The following TPRG1 variants were observed in gnomAD, a reference collection of about 807,000 sequenced individuals.
TPRG1 encodes tumor protein p63 regulated 1, also known as tumor protein p63-regulated gene 1 protein.
TPRG1 carries 29 observed loss-of-function variants against 29.3 expected under a neutral mutation model. The ratio of observed to expected loss-of-function variants is 0.99; its 90% confidence interval spans 0.74 to 1.35. The LOEUF is 1.35. Ranked by LOEUF, TPRG1 falls within the 40% of genes most tolerant of loss-of-function variation. The pLI is 0.00. For synonymous variants in TPRG1, 130 were observed against 116.8 expected (o/e 1.11, Z -0.73); for missense variants, 327 against 335.0 (o/e 0.98, Z 0.19).
chr3:189,309,369 C>T (rs1416480219), intron 4 of TPRG1, among the ~76,000 whole-genome samples: 3 of 152,094 alleles, frequency 2.0e-5, no homozygotes, highest in Non-Finnish European at 2.9e-5. Context: ...TTTGTGAAGG[C>T]ACCACAATTA....
At chr3:189,299,635 T>G (rs537074450) in intron 4 of TPRG1, among the ~76,000 whole-genome samples, 1 of 151,734 alleles carries the variant, frequency 6.6e-6, no homozygotes, top group Admixed American at 6.6e-5. Context: ...TATTTTTTTT[T>G]TTTTTTTTAC....
Position 189,215,326 on chromosome 3 carries a change from A to G in TPRG1, c.245A>G (p.Lys82Arg). The change falls in exon 3 of 6, where the codon AAA (lysine) becomes AGA (arginine). Residue 82 changes from lysine (K) to arginine (R), a missense_variant. Physicochemically the swap from Lys to Arg is conservative, Grantham distance 26. Coordinates refer to ENST00000345063, the MANE Select transcript of TPRG1 (RefSeq NM_198485.4). ...GAIETAMEDLKGHVAETSGET... is the reference protein window; with the variant it reads ...GAIETAMEDLRGHVAETSGET... ...ATTGAGACTGCCATGGAAGACTTGA[A>G]AGGTCACGTAGCTGAGACTTCTGGA... 1 of 1,612,194 alleles carries G rather than the reference A, an allele frequency of 6.2e-7. No homozygotes were observed. The highest frequency in any genetic ancestry group is 8.5e-7 in the Non-Finnish European group (1 of 1,179,256).
intron 4 of TPRG1, among the ~76,000 whole-genome samples, chr3:189,045,100 G>T (rs1417972802): frequency 6.6e-6 from 1 of 152,134 alleles, no homozygotes; most frequent in Non-Finnish European, 1.5e-5. Flanking sequence ...TTATTTAACT[G>T]TGCCCTTCAT....
At chr3:189,238,930 T>G in intron 4 of TPRG1, 21 bp downstream of exon 4, 4 of 1,570,174 alleles carry the variant, frequency 2.5e-6, no homozygotes, top group Non-Finnish European at 3.5e-6. Flanking sequence ...ATCTTATACT[T>G]GAAGAAGTGG....
chr3:189,170,234 G>A (rs1728655026), upstream of TPRG1, among the ~76,000 whole-genome samples: 1 of 152,116 alleles, frequency 6.6e-6, no homozygotes, highest in Admixed American at 6.5e-5. Context: ...ATTTCTAATT[G>A]CCCTGTAGTT....
intron 4 of TPRG1, among the ~76,000 whole-genome samples, chr3:189,246,228 G>A (rs1047650065): frequency 5.3e-5 from 8 of 152,176 alleles, no homozygotes; most frequent in East Asian, 1.9e-4. Flanking sequence ...CATGTAAGAC[G>A]TCCCTTTGCT....
At chr3:189,240,599 T>C (rs541376704) in intron 4 of TPRG1, 1 of 152,260 alleles carries the variant, frequency 6.6e-6, no homozygotes, top group East Asian at 1.9e-4. Flanking sequence ...AACTCCTGTT[T>C]TTAAAACCAT....
chr3:189,182,989 A>G (rs1730432506), intron 1 of TPRG1, among the ~76,000 whole-genome samples: 1 of 152,246 alleles, frequency 6.6e-6, no homozygotes, highest in Non-Finnish European at 1.5e-5. Context: ...ATTTTCAAGT[A>G]TAAGAAAATT....
chr3:189,030,994 C>T (rs531503589), intron 4 of TPRG1, among the ~76,000 whole-genome samples: 4 of 152,204 alleles, frequency 2.6e-5, no homozygotes, highest in African/African-American at 9.6e-5. Context: ...TAAAAAGGGC[C>T]GAGCGTGGCT....
intron 4 of TPRG1, among the ~76,000 whole-genome samples, chr3:189,069,713 A>G (rs1021239255): frequency 5.9e-5 from 9 of 152,254 alleles, no homozygotes; most frequent in African/African-American, 1.9e-4. Context: ...AACTTTCTTC[A>G]TAATAGCCCC....
chr3:189,267,958 T>C (rs369763223), intron 4 of TPRG1, among the ~76,000 whole-genome samples: 2 of 152,280 alleles, frequency 1.3e-5, no homozygotes, highest in South Asian at 4.1e-4. Flanking sequence ...GTAAAAGGTG[T>C]TGGATGCCTG....
At chr3:189,188,409 G>C (rs906030654) in intron 1 of TPRG1, among the ~76,000 whole-genome samples, 4 of 152,182 alleles carry the variant, frequency 2.6e-5, no homozygotes, top group African/African-American at 9.7e-5. Context: ...TTTGAGCCTG[G>C]CTTGTGTTGG....
chr3:189,031,138 A>C (rs530201354), intron 4 of TPRG1, among the ~76,000 whole-genome samples: 1 of 152,132 alleles, frequency 6.6e-6, no homozygotes, highest in Non-Finnish European at 1.5e-5. Flanking sequence ...ACAACAACAA[A>C]AAATTATCCA....
At chr3:189,318,436 C>T (rs1033332863) in intron 5 of TPRG1, among the ~76,000 whole-genome samples, 1 of 152,098 alleles carries the variant, frequency 6.6e-6, no homozygotes, top group African/African-American at 2.4e-5. Context: ...AGGATTTAAG[C>T]TTGGTTTTGA....
At chr3:189,001,776 G>A (rs1712033598) in intron 2 of TPRG1, among the ~76,000 whole-genome samples, 1 of 152,110 alleles carries the variant, frequency 6.6e-6, no homozygotes, top group Non-Finnish European at 1.5e-5. Context: ...ATGGAAATGA[G>A]CTCCATGACT....
upstream of TPRG1, among the ~76,000 whole-genome samples, chr3:189,098,562 G>T (rs1455423859): frequency 6.6e-6 from 1 of 152,166 alleles, no homozygotes; most frequent in Non-Finnish European, 1.5e-5. Flanking sequence ...AAAATTGTGA[G>T]TAAAATCTTG....
chr3:189,206,024 C>CTTCCTTCCTTCCTTCCTTCCTTCCTTCT (rs1734276347), intron 1 of TPRG1, among the ~76,000 whole-genome samples: 1 of 146,530 alleles, frequency 6.8e-6, no homozygotes, highest in Admixed American at 6.9e-5. Flanking sequence ...TCCTTCCTTC[C>CTTCCTTCCTTCCTTCCTTCCTTCCTTCT]TTCCTTCCTT....
intron 4 of TPRG1, among the ~76,000 whole-genome samples, chr3:189,294,624 C>G (rs535038341): frequency 1.3e-5 from 2 of 152,206 alleles, no homozygotes; most frequent in South Asian, 4.2e-4. Context: ...GGTCTTGTTT[C>G]AAATAGACCA....
At chr3:189,219,509 G>T (rs1736605100) in intron 3 of TPRG1, 2 of 966,144 alleles carry the variant, frequency 2.1e-6, no homozygotes. Flanking sequence ...CTTTCTTATT[G>T]GCCCTTCTGA....
Sources: allele counts gnomAD v4.1 joint callset (sites outside exome capture counted in the v4.1 genomes callset), GRCh38; gene constraint gnomAD v4.1.1; transcripts MANE v1.5; gene names NCBI Gene and HGNC (gene_info 2026-07-23, HGNC 2026-07-21).